Variants in SNTG1 observed in about 807,000 individuals in gnomAD.
The protein encoded by SNTG1 is syntrophin gamma 1.
SNTG1 carries 39 observed loss-of-function variants against 74.7 expected under a neutral mutation model. That is an observed-to-expected ratio of 0.52 (90% CI 0.40 to 0.68). SNTG1 has a LOEUF of 0.68. Among genes scored for constraint, SNTG1 ranks in the 30% least tolerant of loss-of-function variants. SNTG1 has a pLI of 0.00. For missense variants in SNTG1, 685 were observed against 609.5 expected, an observed-to-expected ratio of 1.12 and a Z score of -1.30; for synonymous variants, 254 against 217.1, an observed-to-expected ratio of 1.17 and a Z score of -1.49.
At position 50,769,327 on chromosome 8, in the gene SNTG1, G is replaced by A. The variant is rs76070550; in HGVS notation, c.1395+17216G>A. Among the ~76,000 whole-genome samples, 1,302 of 151,996 alleles carry A rather than the reference G, an allele frequency of 8.6e-3. 25 individuals carry two copies. The highest frequency in any genetic ancestry group is 0.029 in the African/African-American group (1,199 of 41,498). ...CTTTTTGACAAAAGTAATCATCTAC[G>A]AAGAGAAGAATTGTAAATAAATTTT... On this transcript the variant is annotated intron_variant, in intron 18 of 18. Coordinates refer to ENST00000642720, the MANE Select transcript of SNTG1 (RefSeq NM_018967.5).
chr8:50,208,825 CG>C (rs1311592500), intron 2 of SNTG1, among the ~76,000 whole-genome samples: 2 of 152,134 alleles, frequency 1.3e-5, no homozygotes, highest in Non-Finnish European at 2.9e-5. Flanking sequence ...CAGTTCCCAG[CG>C]TGAGCGAAGC....
At chr8:49,997,952 G>T (rs541980745) in intron 1 of SNTG1, among the ~76,000 whole-genome samples, 3 of 152,124 alleles carry the variant, frequency 2.0e-5, no homozygotes, top group Non-Finnish European at 4.4e-5. Context: ...GAAATGTGTT[G>T]TTAGGCAATT....
rs575721710 is a variant in SNTG1, at chr8:50,723,001, C to T, written c.1284+14023C>T. Among the ~76,000 whole-genome samples the T allele has an allele frequency of 2.6e-5, 4 of 152,222 alleles. No homozygotes were observed. In the South Asian group the frequency reaches 8.3e-4, roughly 32 times the overall value. On this transcript the variant is annotated intron_variant, in intron 17 of 18. Coordinates refer to ENST00000642720, the MANE Select transcript of SNTG1 (RefSeq NM_018967.5). ...CTATAGTGCATATTTTATCACTTCT[C>T]AACTTGCATTTCATGGGAAAAAGAA...
intron 2 of SNTG1, among the ~76,000 whole-genome samples, chr8:50,368,258 T>A (rs1486056764): frequency 2.0e-5 from 3 of 152,148 alleles, no homozygotes; most frequent in Non-Finnish European, 4.4e-5. Flanking sequence ...TGTTCCAATG[T>A]TTTGAGAAAA....
Position 50,314,621 on chromosome 8 carries a change from C to T in SNTG1, c.-27-79591C>T, listed in dbSNP as rs866766203. 1.3e-5 allele frequency among the ~76,000 whole-genome samples: 2 copies of T among 149,930 alleles called. 1 individual carries two copies. The highest frequency in any genetic ancestry group is 4.4e-4 in the South Asian group (2 of 4,534). On this transcript the variant is annotated intron_variant, in intron 2 of 18. Transcript: ENST00000642720. ...CTGAATCTCATGAAAGAGTTTCACA[C>T]TTTTTGCTATTTCCTGAAAGTGTCT...
intron 18 of SNTG1, among the ~76,000 whole-genome samples, chr8:50,753,253 A>G (rs911067470): frequency 6.6e-5 from 10 of 151,790 alleles, no homozygotes; most frequent in Admixed American, 6.6e-4. Flanking sequence ...CTCAGCTACC[A>G]CTGATCAATC....
intron 2 of SNTG1, among the ~76,000 whole-genome samples, chr8:50,354,663 TCA>T (rs1182021356): frequency 6.6e-5 from 10 of 152,112 alleles, no homozygotes; most frequent in Admixed American, 1.3e-4. Flanking sequence ...TTATTCTCTC[TCA>T]GTTTCCACGT....
Position 50,657,385 on chromosome 8 carries a change from T to C in SNTG1, c.966+360T>C, listed in dbSNP as rs188536594. Among the ~76,000 whole-genome samples, 159 of 152,240 alleles carry C rather than the reference T, an allele frequency of 1.0e-3. 1 individual carries two copies. The highest frequency in any genetic ancestry group is 1.9e-3 in the Non-Finnish European group (131 of 67,996). ...GGAATAAAAATTAAAGAAATGAATA[T>C]ATCAAAAGTGAAATAAAAAAGAATA... On this transcript the variant is annotated intron_variant, in intron 14 of 18. Transcript: ENST00000642720.
At chr8:50,227,921 C>CAAAAAAAAAAAAAAAAAAAAACAAAA (rs60255876) in intron 2 of SNTG1, among the ~76,000 whole-genome samples, 1 of 136,238 alleles carries the variant, frequency 7.3e-6, no homozygotes, top group Non-Finnish European at 1.6e-5. Context: ...AAACAACAAC[C>CAAAAAAAAAAAAAAAAAAAAACAAAA]AAAAAAAAAA....
At chr8:50,751,129 A>G (rs541665912) in intron 17 of SNTG1, among the ~76,000 whole-genome samples, 1 of 152,172 alleles carries the variant, frequency 6.6e-6, no homozygotes, top group Non-Finnish European at 1.5e-5. Flanking sequence ...TGTTAAAAGT[A>G]TTTTCTATCA....
chr8:50,424,226 A>G (rs1199085209), intron 4 of SNTG1, among the ~76,000 whole-genome samples: 1 of 152,168 alleles, frequency 6.6e-6, no homozygotes, highest in African/African-American at 2.4e-5. Context: ...CTCCCTCAGC[A>G]TCACTCCTCT....
chr8:50,642,478 A>G (rs1441874718), intron 13 of SNTG1, among the ~76,000 whole-genome samples: 3 of 152,198 alleles, frequency 2.0e-5, no homozygotes, highest in African/African-American at 4.8e-5. Flanking sequence ...AACTGAAGGC[A>G]CATTCCATTT....
chr8:50,179,260 T>G (rs1184663389), intron 2 of SNTG1, among the ~76,000 whole-genome samples: 2 of 152,218 alleles, frequency 1.3e-5, no homozygotes, highest in Non-Finnish European at 2.9e-5. Context: ...AACTCTGTTT[T>G]CAGCTTTCAA....
chr8:50,498,934 T>C (rs764449693), intron 8 of SNTG1, among the ~76,000 whole-genome samples: 18 of 151,708 alleles, frequency 1.2e-4, no homozygotes, highest in Non-Finnish European at 1.9e-4. Context: ...ATTATATTAA[T>C]TATATTACAT....
chr8:50,194,394 C>T (rs7001686), intron 2 of SNTG1, among the ~76,000 whole-genome samples: 65,693 of 151,730 alleles, frequency 0.43, 17,958 homozygotes, highest in African/African-American at 0.79. Flanking sequence ...TGATTTAAGC[C>T]AGGAAGTTGT....
At chr8:50,431,601 T>C (rs1348438545) in intron 4 of SNTG1, among the ~76,000 whole-genome samples, 1 of 152,142 alleles carries the variant, frequency 6.6e-6, no homozygotes, top group African/African-American at 2.4e-5. Flanking sequence ...AAGACTAGGG[T>C]TAGCTTTGTA....
chr8:50,295,317 A>G (rs1227446983), intron 2 of SNTG1, among the ~76,000 whole-genome samples: 1 of 152,218 alleles, frequency 6.6e-6, no homozygotes, highest in Non-Finnish European at 1.5e-5. Flanking sequence ...TTTGGTTGCC[A>G]AACTCCATCA....
At chr8:50,415,545 T>G (rs1325284789) in intron 4 of SNTG1, among the ~76,000 whole-genome samples, 1 of 152,116 alleles carries the variant, frequency 6.6e-6, no homozygotes, top group South Asian at 2.1e-4. Context: ...AATATACTCT[T>G]CCCATGAAAC....
At chr8:50,683,751 T>C (rs559096834) in intron 15 of SNTG1, among the ~76,000 whole-genome samples, 1 of 152,174 alleles carries the variant, frequency 6.6e-6, no homozygotes, top group East Asian at 1.9e-4. Context: ...GTGGAATAAG[T>C]TGCAGTGGAG....
Sources: gnomAD v4.1 joint callset for allele counts (sites outside exome capture counted in the v4.1 genomes callset) on GRCh38, gnomAD v4.1.1 for gene constraint, MANE v1.5 for transcripts, NCBI Gene and HGNC (gene_info 2026-07-23, HGNC 2026-07-21) for gene names.